The following LHPP variants were observed in gnomAD, a reference collection of about 807,000 sequenced individuals.
LHPP encodes phospholysine phosphohistidine inorganic pyrophosphate phosphatase.
LHPP carries 24 observed loss-of-function variants against 30.3 expected under a neutral mutation model. The observed-to-expected ratio is 0.79, with a 90% CI of 0.57 to 1.11. The LOEUF (loss-of-function observed/expected upper bound fraction) is 1.11, where lower values mean the gene tolerates loss of function less well. LHPP is among the 50% of genes most tolerant of loss of function. LHPP has a pLI of 0.00. For synonymous variants in LHPP, 150 were observed against 157.1 expected, an observed-to-expected ratio of 0.95 and a Z score of 0.34; for missense variants, 356 against 367.2, an observed-to-expected ratio of 0.97 and a Z score of 0.25.
At chr10:124,518,503 G>A (rs529608379) in intron 6 of LHPP, among the ~76,000 whole-genome samples, 2 of 152,372 alleles carry the variant, frequency 1.3e-5, no homozygotes, top group East Asian at 1.9e-4. Context: ...GCTGCCTGGC[G>A]TCAGCCGTCA....
intron 6 of LHPP, among the ~76,000 whole-genome samples, chr10:124,600,525 T>TC (rs1949007641): frequency 6.6e-6 from 1 of 152,244 alleles, no homozygotes; most frequent in Non-Finnish European, 1.5e-5. Flanking sequence ...GCAGTTGGTC[T>TC]CCAGAAGGAA....
At chr10:124,525,839 G>C (rs1239084545) in intron 6 of LHPP, among the ~76,000 whole-genome samples, 1 of 152,204 alleles carries the variant, frequency 6.6e-6, no homozygotes, top group Non-Finnish European at 1.5e-5. Context: ...CATGTCCAGG[G>C]CAAGAGGGGA....
rs1228952073 is a variant in LHPP, at chr10:124,471,570, A to AT, written c.125+9590dup. Among the ~76,000 whole-genome samples, 18 of 34,466 alleles carry AT rather than the reference A, an allele frequency of 5.2e-4. 1 individual carries two copies. The highest frequency in any genetic ancestry group is 1.3e-3 in the African/African-American group (16 of 12,256). 22.6% of individuals were successfully genotyped at this position (34,466 alleles called of 152,430 possible). Reference sequence around the variant, plus strand: ...TTTATATATATTTATATATATATAAATTTTTTTATATTTATATATTTTTTA... The same window carrying AT: ...TTTATATATATTTATATATATATAAATTTTTTTTATATTTATATATTTTTTA... On this transcript the variant is annotated intron_variant, in intron 1 of 6. Transcript: ENST00000368842.
chr10:124,512,913 C>T (rs1954342945), intron 5 of LHPP, among the ~76,000 whole-genome samples: 1 of 152,146 alleles, frequency 6.6e-6, no homozygotes, highest in East Asian at 1.9e-4. Flanking sequence ...CACCTGGACC[C>T]GTCCTTGCAG....
intron 6 of LHPP, among the ~76,000 whole-genome samples, chr10:124,572,673 AAAAAG>A (rs1243566025): frequency 1.0e-5 from 1 of 96,086 alleles, no homozygotes; most frequent in African/African-American, 3.9e-5. Flanking sequence ...AGAAAAGAAA[AAAAAG>A]AAGGAAGGGA....
Position 124,522,738 on chromosome 10 carries a change from C to T in LHPP, c.716+5467C>T, listed in dbSNP as rs2133918790. Among the ~76,000 whole-genome samples the T allele has an allele frequency of 1.3e-5, 2 of 151,416 alleles. 1 individual carries two copies. The highest frequency in any genetic ancestry group is 4.2e-4 in the South Asian group (2 of 4,800). On this transcript the variant is annotated intron_variant, in intron 6 of 6. Transcript: ENST00000368842. ...TGCTGCCCACGCCCCCCCCCAAGCA[C>T]TGTCTGCTCCTCCCTGCTTGCCTGC... is the stretch of plus-strand genomic sequence containing the variant.
rs558651998 is a variant in LHPP at position 124,510,358 on chromosome 10, G to A, written c.625-6822G>A. ...GTATGCGGAGCCCACAAGCTGGCCT[G>A]GACAGGCATCACTGCTCCAGGCAGC... On this transcript the variant is annotated intron_variant, in intron 5 of 6. Transcript: ENST00000368842. The surrounding 1 kb of genome is among the most constrained non-coding windows in gnomAD (Gnocchi z 4.0). Among the ~76,000 whole-genome samples the A allele has an allele frequency of 1.3e-5, 2 of 152,364 alleles. No homozygotes were observed. The highest frequency in any genetic ancestry group is 2.1e-4 in the South Asian group (1 of 4,830).
At chr10:124,601,968 T>C (rs564395772) in intron 6 of LHPP, among the ~76,000 whole-genome samples, 33 of 152,280 alleles carry the variant, frequency 2.2e-4, no homozygotes, top group Non-Finnish European at 1.5e-5. Context: ...CCAGGTCCCG[T>C]TGACCTCCAT....
intron 6 of LHPP, among the ~76,000 whole-genome samples, chr10:124,559,909 T>G (rs186293698): frequency 6.6e-6 from 1 of 152,232 alleles, no homozygotes; most frequent in African/African-American, 2.4e-5. Flanking sequence ...TGCCAAGTGC[T>G]CCCTGCAATG....
At chr10:124,584,309 G>A (rs1948775440) in intron 6 of LHPP, among the ~76,000 whole-genome samples, 1 of 147,208 alleles carries the variant, frequency 6.8e-6, no homozygotes, top group Admixed American at 7.0e-5. Flanking sequence ...AGGCAGCAGT[G>A]AACCATGATC....
Position 124,496,879 on chromosome 10 carries a change from C to CGG in LHPP, c.468-81_468-80dup. On this transcript the variant is annotated intron_variant, in intron 3 of 6. Transcript: ENST00000368842. The surrounding 1 kb of genome is among the most constrained non-coding windows in gnomAD (Gnocchi z 4.3). ...GGCTCTGCAGCCAGCGGGACAGGCCCGGTGCTCAGCTCCCGATACTTAGCA... is the reference window on the plus strand; with the variant it reads ...GGCTCTGCAGCCAGCGGGACAGGCCCGGGGTGCTCAGCTCCCGATACTTAGCA... The CGG allele has an allele frequency of 7.7e-7, 1 of 1,291,838 alleles. No individual in the cohort carries two copies. Among genetic ancestry groups the CGG allele is most frequent in the Non-Finnish European group, 1.1e-6 (1 of 907,488 alleles). 80.0% of individuals were successfully genotyped at this position (1,291,838 alleles called of 1,614,324 possible).
intron 6 of LHPP, among the ~76,000 whole-genome samples, chr10:124,602,430 G>C (rs1438554774): frequency 6.6e-6 from 1 of 152,246 alleles, no homozygotes; most frequent in African/African-American, 2.4e-5. Flanking sequence ...AGCCTCACCT[G>C]CATCCCGGGG....
At position 124,592,166 on chromosome 10, in the gene LHPP, C is replaced by T. The variant is rs1250541660; in HGVS notation, c.717-21098C>T. 1.3e-5 allele frequency among the ~76,000 whole-genome samples: 2 copies of T among 152,154 alleles called. No homozygotes were observed. The highest frequency in any genetic ancestry group is 2.9e-5 in the Non-Finnish European group (2 of 68,032). ...CATTTGCTGGCACAGTGTGGTCTGG[C>T]CTGTGACTAGGTGAGGGACAGTGCG... On this transcript the variant is annotated intron_variant, in intron 6 of 6. Coordinates refer to ENST00000368842, the MANE Select transcript of LHPP (RefSeq NM_022126.4). This position sits in a 1 kb window ranked among gnomAD's most constrained non-coding sequence, Gnocchi z 6.2.
intron 1 of LHPP, among the ~76,000 whole-genome samples, chr10:124,483,688 C>T (rs375614759): frequency 5.3e-5 from 8 of 152,122 alleles, no homozygotes; most frequent in Non-Finnish European, 8.8e-5. Flanking sequence ...ATCTGGGAGG[C>T]GGAGGTTGCA....
chr10:124,481,058 G>A (rs1953109096), intron 1 of LHPP, among the ~76,000 whole-genome samples: 1 of 152,168 alleles, frequency 6.6e-6, no homozygotes, highest in African/African-American at 2.4e-5. Flanking sequence ...ATGTTAATGG[G>A]GGATTGTGGA....
intron 6 of LHPP, among the ~76,000 whole-genome samples, chr10:124,589,180 G>A (rs916701190): frequency 5.3e-5 from 8 of 152,244 alleles, no homozygotes; most frequent in Non-Finnish European, 1.0e-4. Flanking sequence ...GACAGTCCGT[G>A]CAGAAATGTC....
intron 5 of LHPP, chr10:124,498,474 A>C (rs2133875897): frequency 6.8e-7 from 1 of 1,465,478 alleles, no homozygotes; most frequent in East Asian, 2.5e-5. Context: ...AGATTACAAC[A>C]ATATGGAGGA....
rs146469720 is a variant in LHPP at position 124,598,512 on chromosome 10, C to T, written c.717-14752C>T. ...AAGCCCCCCTGAGGTGCTTGGGCAT[C>T]GGACCTGCCCACCATCTCCTGAGGT... On this transcript the variant is annotated intron_variant, in intron 6 of 6. Transcript: ENST00000368842. Among the ~76,000 whole-genome samples the T allele has an allele frequency of 4.7e-4, 71 of 152,318 alleles. No homozygotes were observed. In the East Asian group the frequency reaches 8.5e-3, roughly 18 times the overall value.
At chr10:124,591,604 T>C (rs188033512) in intron 6 of LHPP, among the ~76,000 whole-genome samples, 2 of 152,100 alleles carry the variant, frequency 1.3e-5, no homozygotes, top group Non-Finnish European at 1.5e-5. Context: ...GTGTCTCTGT[T>C]ATTCCTTCCT....
Sources: gnomAD v4.1 joint callset for allele counts (sites outside exome capture counted in the v4.1 genomes callset) on GRCh38, gnomAD v4.1.1 for gene constraint, Gnocchi (gnomAD v3.1) non-coding constraint, MANE v1.5 for transcripts, NCBI Gene and HGNC (gene_info 2026-07-23, HGNC 2026-07-21) for gene names.